The following KLF3 variants were observed in gnomAD, a reference collection of about 807,000 sequenced individuals.
KLF3 encodes Krueppel-like factor 3.
Under a neutral mutation model 32.7 loss-of-function variants are expected in KLF3, and 6 were observed. That is an observed-to-expected ratio of 0.18 (90% CI 0.10 to 0.36). KLF3 has a LOEUF of 0.36. KLF3 is among the 10% of genes least tolerant of loss of function. The pLI is 1.00. For missense variants in KLF3, 338 were observed against 449.7 expected (o/e 0.75, Z 2.25); for synonymous variants, 145 against 172.8 (o/e 0.84, Z 1.26).
intron 1 of KLF3, among the ~76,000 whole-genome samples, chr4:38,665,593 C>CTGA (rs1722007249): frequency 6.6e-6 from 1 of 152,210 alleles, no homozygotes; most frequent in African/African-American, 2.4e-5. Context: ...CACTTAACCA[C>CTGA]TGAATTTCTT....
chr4:38,665,857 C>T (rs1254081665), intron 1 of KLF3, among the ~76,000 whole-genome samples: 2 of 152,124 alleles, frequency 1.3e-5, no homozygotes, highest in Admixed American at 1.3e-4. Context: ...GATGATCTGC[C>T]TCACCCTAGG....
rs1722381320 is a variant in KLF3 at position 38,677,193 on chromosome 4, C to A, written c.-39-3394C>A. Among the ~76,000 whole-genome samples, 3 of 152,142 alleles carry A rather than the reference C, an allele frequency of 2.0e-5. No individual in the cohort carries two copies. In the South Asian group the frequency reaches 6.2e-4, roughly 32 times the overall value. ...GCAAGGCTGGTCTCAATCTCCTATC[C>A]TCAGTGATCCACCCGCCTCGGCCTC... is the stretch of plus-strand genomic sequence containing the variant. On this transcript the variant is annotated intron_variant, in intron 1 of 5. Coordinates refer to ENST00000261438, the MANE Select transcript of KLF3 (RefSeq NM_016531.6).
chr4:38,672,117 T>G (rs1048210298), intron 1 of KLF3, among the ~76,000 whole-genome samples: 3 of 152,104 alleles, frequency 2.0e-5, no homozygotes, highest in African/African-American at 7.2e-5. Flanking sequence ...GGAAGTTTGG[T>G]TTACTAGGTC....
intron 1 of KLF3, among the ~76,000 whole-genome samples, chr4:38,668,417 T>C (rs1313533923): frequency 1.3e-5 from 2 of 152,158 alleles, no homozygotes; most frequent in African/African-American, 4.8e-5. Flanking sequence ...TCAGGCTCTC[T>C]TCTCCCCAAA....
chr4:38,673,421 A>G (rs1300412375), intron 1 of KLF3, among the ~76,000 whole-genome samples: 1 of 152,208 alleles, frequency 6.6e-6, no homozygotes. Context: ...ATAACACTTC[A>G]TAGAGGAGAA....
intron 1 of KLF3, among the ~76,000 whole-genome samples, chr4:38,668,848 A>G (rs1722114785): frequency 6.6e-6 from 1 of 152,234 alleles, no homozygotes; most frequent in African/African-American, 2.4e-5. Flanking sequence ...TCAGAAAAAA[A>G]TTCTGCAAGC....
intron 2 of KLF3, among the ~76,000 whole-genome samples, chr4:38,687,002 C>T (rs565476975): frequency 4.4e-5 from 6 of 135,226 alleles, no homozygotes; most frequent in South Asian, 2.2e-4. Context: ...CCTATCAAAA[C>T]CACTGCTGCC....
chr4:38,701,305 C>G lies in KLF3; in HGVS notation c.*4042C>G, dbSNP rs113998750. On this transcript the variant is annotated 3_prime_UTR_variant, in exon 6 of 6. Coordinates refer to ENST00000261438, the MANE Select transcript of KLF3 (RefSeq NM_016531.6). ...AGACAATCCAGCAAAAATCTACAAA[C>G]TCACCTAGTTCATTCTTGAAATACT... 1.7e-3 allele frequency among the ~76,000 whole-genome samples: 252 copies of G among 152,306 alleles called. 2 individuals are homozygous for G. Among genetic ancestry groups the G allele is most frequent in the South Asian group, 7.4e-3 (36 of 4,834 alleles).
rs1252386829 is a variant in KLF3, at chr4:38,700,016, T to A, written c.*2753T>A. Reference sequence around the variant, plus strand: ...GAATGATTTGTAAACATGAAGTTACTATTACGTAAATTCTGTTTGTTATAG... The same window carrying A: ...GAATGATTTGTAAACATGAAGTTACAATTACGTAAATTCTGTTTGTTATAG... On this transcript the variant is annotated 3_prime_UTR_variant, in exon 6 of 6. Transcript: ENST00000261438. The A allele has an allele frequency of 4.6e-5, 7 of 152,366 alleles. No homozygotes were observed. The East Asian group carries it at 1.3e-3, about 29-fold the overall frequency. 9.4% of individuals were successfully genotyped at this position (152,366 alleles called of 1,614,324 possible).
chr4:38,685,771 C>T (rs927638609), intron 2 of KLF3, among the ~76,000 whole-genome samples: 1 of 152,154 alleles, frequency 6.6e-6, no homozygotes, highest in Non-Finnish European at 1.5e-5. Context: ...TTTCCTAGTA[C>T]CAGAACCATT....
rs1453226788 is a variant in KLF3, at chr4:38,671,169, TC to T, written c.-40+6710del. ...GGTCTGCAGGCAGACACGCTTCTGT[TC>T]CTGGCTGCAGCTCCAACCAGCTCTG... is the stretch of plus-strand genomic sequence containing the variant. On this transcript the variant is annotated intron_variant, in intron 1 of 5. Coordinates refer to ENST00000261438, the MANE Select transcript of KLF3 (RefSeq NM_016531.6). This position sits in a 1 kb window ranked among gnomAD's most constrained non-coding sequence, Gnocchi z 4.4. Among the ~76,000 whole-genome samples the T allele has an allele frequency of 6.6e-6, 1 of 152,182 alleles. No individual in the cohort carries two copies. The highest frequency in any genetic ancestry group is 2.4e-5 in the African/African-American group (1 of 41,444).
At chr4:38,694,972 T>C in intron 5 of KLF3, 66 bp downstream of exon 5, 4 of 1,497,660 alleles carry the variant, frequency 2.7e-6, no homozygotes, top group Non-Finnish European at 3.6e-6. Flanking sequence ...ATGCAAAGGT[T>C]GTTACGATCA....
chr4:38,667,330 G>C (rs981671623), intron 1 of KLF3, among the ~76,000 whole-genome samples: 2 of 152,136 alleles, frequency 1.3e-5, no homozygotes, highest in Non-Finnish European at 2.9e-5. Context: ...GCTCTTTCCT[G>C]TTTCAGGCTG....
Position 38,688,451 on chromosome 4 carries a change from T to G in KLF3, c.58-134T>G. On this transcript the variant is annotated intron_variant, in intron 2 of 5. Transcript: ENST00000261438. This position sits in a 1 kb window ranked among gnomAD's most constrained non-coding sequence, Gnocchi z 4.9. ...TTGAGCATTTTTTTAAGGTCACATA[T>G]ATATCGAAATCTAAACTATTTTGTA... 1.2e-6 allele frequency: 1 copy of G among 869,522 alleles called. No homozygotes were observed. Among genetic ancestry groups the G allele is most frequent in the Non-Finnish European group, 1.8e-6 (1 of 570,004 alleles). 53.9% of individuals were successfully genotyped at this position (869,522 alleles called of 1,614,324 possible).
At chr4:38,692,754 C>G (rs961407420) in intron 4 of KLF3, among the ~76,000 whole-genome samples, 28 of 152,114 alleles carry the variant, frequency 1.8e-4, no homozygotes, top group African/African-American at 6.3e-4. Flanking sequence ...ATTAGATTCC[C>G]AACCCATAAA....
chr4:38,684,917 C>G (rs758791061), intron 2 of KLF3, among the ~76,000 whole-genome samples: 1 of 152,160 alleles, frequency 6.6e-6, no homozygotes, highest in Non-Finnish European at 1.5e-5. Flanking sequence ...GCGGGAAAGA[C>G]CCATGTCTGT....
At chr4:38,676,063 C>A (rs1041112809) in intron 1 of KLF3, among the ~76,000 whole-genome samples, 6 of 152,124 alleles carry the variant, frequency 3.9e-5, no homozygotes, top group Non-Finnish European at 5.9e-5. Context: ...CATTTCTGTT[C>A]ATGTGTTTGA....
At chr4:38,664,588 GT>G (rs1221587883) in intron 1 of KLF3, 127 bp downstream of exon 1, 2 of 150,322 alleles carry the variant, frequency 1.3e-5, no homozygotes, top group Non-Finnish European at 3.0e-5. Flanking sequence ...CAGCGCTGGT[GT>G]TGGGGGGGGC....
intron 1 of KLF3, among the ~76,000 whole-genome samples, chr4:38,673,080 C>T (rs1410440305): frequency 6.6e-6 from 1 of 152,198 alleles, no homozygotes; most frequent in Non-Finnish European, 1.5e-5. Context: ...GGGTAGGCTT[C>T]GCTCATGGTT....
Sources: allele counts gnomAD v4.1 joint callset (sites outside exome capture counted in the v4.1 genomes callset), GRCh38; gene constraint gnomAD v4.1.1; non-coding constraint Gnocchi (gnomAD v3.1); transcripts MANE v1.5; gene names NCBI Gene and HGNC (gene_info 2026-07-23, HGNC 2026-07-21).